MAP4K4: variants seen among roughly 807,000 people sequenced by gnomAD.
MAP4K4 encodes mitogen-activated protein kinase kinase kinase kinase 4, also known as HPK/GCK-like kinase HGK.
In MAP4K4, 38 loss-of-function variants were observed where a neutral mutation model predicts 189.6. That is an observed-to-expected ratio of 0.20 (90% CI 0.15 to 0.26). The LOEUF is 0.26. Ranked by LOEUF, MAP4K4 falls within the 10% of genes least tolerant of loss-of-function variation. The pLI is 1.00. For synonymous variants in MAP4K4, 610 were observed against 624.3 expected, an observed-to-expected ratio of 0.98 and a Z score of 0.34; for missense variants, 1,054 against 1,726.9, an observed-to-expected ratio of 0.61 and a Z score of 6.91.
chr2:101,712,454 A>C (rs1225737936), intron 2 of MAP4K4, among the ~76,000 whole-genome samples: 1 of 152,088 alleles, frequency 6.6e-6, no homozygotes, highest in South Asian at 2.1e-4. Flanking sequence ...TTGGCCTCCC[A>C]AAGTGCTGGG....
At chr2:101,863,478 A>G (rs1442255102) in intron 16 of MAP4K4, among the ~76,000 whole-genome samples, 1 of 152,188 alleles carries the variant, frequency 6.6e-6, no homozygotes, top group African/African-American at 2.4e-5. Context: ...CTGCTTTGAC[A>G]TGGATGTGCA....
At chr2:101,712,513 T>A (rs937113254) in intron 2 of MAP4K4, among the ~76,000 whole-genome samples, 1 of 151,912 alleles carries the variant, frequency 6.6e-6, no homozygotes, top group Non-Finnish European at 1.5e-5. Context: ...ATTTTATTTT[T>A]TTTTGAGACA....
At chr2:101,738,665 T>C (rs1345691820) in intron 2 of MAP4K4, among the ~76,000 whole-genome samples, 1 of 152,138 alleles carries the variant, frequency 6.6e-6, no homozygotes, top group African/African-American at 2.4e-5. Flanking sequence ...TTTGGATTGC[T>C]GTAAGGACCT....
At chr2:101,727,886 T>G (rs1341861199) in intron 2 of MAP4K4, among the ~76,000 whole-genome samples, 1 of 152,154 alleles carries the variant, frequency 6.6e-6, no homozygotes, top group Non-Finnish European at 1.5e-5. Context: ...GGAGGATCAC[T>G]TGAACCCAGG....
chr2:101,840,695 T>C (rs1223054256), intron 10 of MAP4K4, among the ~76,000 whole-genome samples: 3 of 152,204 alleles, frequency 2.0e-5, no homozygotes, highest in East Asian at 3.9e-4. Context: ...TGGGTCCTTA[T>C]AATAACTTTA....
intron 2 of MAP4K4, among the ~76,000 whole-genome samples, chr2:101,706,348 C>T (rs1039574866): frequency 2.6e-5 from 4 of 152,142 alleles, no homozygotes; most frequent in African/African-American, 9.7e-5. Flanking sequence ...AGTGGGCATA[C>T]CATAATTTTG....
chr2:101,777,345 G>A (rs1470688517), intron 2 of MAP4K4, among the ~76,000 whole-genome samples: 1 of 152,194 alleles, frequency 6.6e-6, no homozygotes, highest in Non-Finnish European at 1.5e-5. Context: ...TGGGCACTGT[G>A]TCTGCTATTG....
At chr2:101,867,373 T>C in intron 20 of MAP4K4, 64 bp downstream of exon 20, 3 of 1,306,390 alleles carry the variant, frequency 2.3e-6, no homozygotes, top group South Asian at 2.6e-5. Context: ...CTATTAAAAA[T>C]ATGTGGTTGA....
intron 3 of MAP4K4, among the ~76,000 whole-genome samples, chr2:101,800,642 G>T (rs906360374): frequency 6.6e-6 from 1 of 151,998 alleles, no homozygotes; most frequent in African/African-American, 2.4e-5. Flanking sequence ...ATATAATTTT[G>T]GTTCGTTGGG....
At chr2:101,810,628 C>T (rs1174700863) in intron 3 of MAP4K4, among the ~76,000 whole-genome samples, 3 of 152,162 alleles carry the variant, frequency 2.0e-5, no homozygotes, top group Non-Finnish European at 4.4e-5. Flanking sequence ...ACTGAAGGAT[C>T]TTAGCTCTGA....
In MAP4K4 at chr2:101,832,510, C is replaced by A. The variant is rs571218036; in HGVS notation, c.639+659C>A. Among the ~76,000 whole-genome samples, 9 of 152,224 alleles carry A rather than the reference C, an allele frequency of 5.9e-5. No individual in the cohort carries two copies. In the South Asian group the frequency reaches 1.7e-3, roughly 28 times the overall value. ...TATTTTAGTATTTATTACAAATATC[C>A]AATTAATGAGACTTAATTTAAGACT... On this transcript the variant is annotated intron_variant, in intron 7 of 32. Coordinates refer to ENST00000324219, the Ensembl canonical transcript of MAP4K4.
At chr2:101,871,351 C>A in intron 23 of MAP4K4, 143 bp from the exon 24 acceptor site, 1 of 591,974 alleles carries the variant, frequency 1.7e-6, no homozygotes, top group Non-Finnish European at 2.9e-6. Flanking sequence ...GAAGTGTGAG[C>A]AGTTCAGGCT....
chr2:101,793,409 C>G (rs2093260345), intron 3 of MAP4K4, among the ~76,000 whole-genome samples: 1 of 152,138 alleles, frequency 6.6e-6, no homozygotes, highest in South Asian at 2.1e-4. Flanking sequence ...CTCCTCTTAG[C>G]TCCTCTTGTG....
intron 3 of MAP4K4, among the ~76,000 whole-genome samples, chr2:101,803,464 A>T (rs1575823247): frequency 6.6e-6 from 1 of 152,346 alleles, no homozygotes; most frequent in Non-Finnish European, 1.5e-5. Context: ...CCTTTGAAAC[A>T]CTTAAAATGG....
At position 101,891,973 on chromosome 2, in the gene MAP4K4, T is replaced by C. The variant is rs550679045; in HGVS notation, c.*724T>C. 3.1e-5 allele frequency: 3 copies of C among 97,852 alleles called. No homozygotes were observed. In the East Asian group the frequency reaches 9.8e-4, roughly 32 times the overall value. 6.1% of individuals were successfully genotyped at this position (97,852 alleles called of 1,614,324 possible). A position where few individuals can be genotyped will look rare whatever the true frequency, so the allele number is the denominator to read the frequency against. ...TCTGTGTACCAGGTTGCCTAAATCA[T>C]GTGCAGATGGTTCTAAAAAAAAAAA... On this transcript the variant is annotated 3_prime_UTR_variant, in exon 33 of 33. Coordinates refer to ENST00000324219, the Ensembl canonical transcript of MAP4K4.
exon 18 of MAP4K4, chr2:101,864,989 G>T: frequency 6.3e-7 from 1 of 1,576,862 alleles, no homozygotes; most frequent in East Asian, 2.3e-5. Flanking sequence ...CCCCACTGCA[G>T]GGCAGTGGGC....
intron 2 of MAP4K4, among the ~76,000 whole-genome samples, chr2:101,700,526 A>ATATTATTTTG (rs2037819903): frequency 6.6e-6 from 1 of 152,216 alleles, no homozygotes; most frequent in Non-Finnish European, 1.5e-5. Context: ...ATAAGCAGTT[A>ATATTATTTTG]CATTTTTATA....
chr2:101,780,122 T>C (rs2086582825), intron 2 of MAP4K4, among the ~76,000 whole-genome samples: 1 of 152,168 alleles, frequency 6.6e-6, no homozygotes, highest in African/African-American at 2.4e-5. Context: ...ACGGGCAGTG[T>C]ATTTTAGAGT....
intron 3 of MAP4K4, among the ~76,000 whole-genome samples, chr2:101,797,955 T>TCTAG (rs371925932): frequency 1.1e-4 from 15 of 136,346 alleles, no homozygotes; most frequent in African/African-American, 4.2e-4. Flanking sequence ...AGTGCACAAG[T>TCTAG]CTAGCTGTGC....
Sources: gnomAD v4.1 joint callset for allele counts (sites outside exome capture counted in the v4.1 genomes callset) on GRCh38, gnomAD v4.1.1 for gene constraint, MANE v1.5 for transcripts, NCBI Gene and HGNC (gene_info 2026-07-23, HGNC 2026-07-21) for gene names.